Variants in TAF4 observed in about 807,000 individuals in gnomAD.
The protein encoded by TAF4 is transcription initiation factor TFIID subunit 4.
Under a neutral mutation model 90.3 loss-of-function variants are expected in TAF4, and 9 were observed. That is an observed-to-expected ratio of 0.10 (90% CI 0.06 to 0.17). TAF4 has a LOEUF of 0.17. Among genes scored for constraint, TAF4 ranks in the 10% least tolerant of loss-of-function variants. The pLI, the probability that TAF4 is intolerant of heterozygous loss-of-function variation, is 1.00. For synonymous variants in TAF4, 818 were observed against 638.9 expected, an observed-to-expected ratio of 1.28 and a Z score of -4.23; for missense variants, 1,351 against 1,370.7, an observed-to-expected ratio of 0.99 and a Z score of 0.23.
chr20:61,998,808 T>C (rs148499371), intron 12 of TAF4, among the ~76,000 whole-genome samples, 175 bp downstream of exon 12: 2,239 of 152,312 alleles, frequency 0.015, 57 homozygotes, highest in African/African-American at 0.051. Flanking sequence ...TCTACGCTAG[T>C]GCCAAATGAA....
At chr20:61,977,059 G>A (rs971619299) in intron 14 of TAF4, among the ~76,000 whole-genome samples, 2 of 130,130 alleles carry the variant, frequency 1.5e-5, no homozygotes, top group African/African-American at 5.1e-5. Flanking sequence ...ACACGACACC[G>A]CCCAGCGGGG....
At chr20:62,050,680 G>A (rs771918845) in intron 1 of TAF4, among the ~76,000 whole-genome samples, 6 of 152,182 alleles carry the variant, frequency 3.9e-5, no homozygotes, top group Non-Finnish European at 7.3e-5. Context: ...AGGCCCGCCC[G>A]GGAGGGCACA....
chr20:62,007,626 A>C lies in TAF4; in HGVS notation c.1895T>G (p.Ile632Arg). 6.2e-7 allele frequency: 1 copy of C among 1,601,524 alleles called. No homozygotes were observed. The highest frequency in any genetic ancestry group is 8.5e-7 in the Non-Finnish European group (1 of 1,174,274). The part of the protein sequence containing the change: ...ELVQNLLDGK[I>R]EAEDFTSRLY... ...CCTGCTTGTGAAATCTTCTGCTTCT[A>C]TTTTTCCATCCTTAAAAATAAAATC... Residue 632 changes from isoleucine (I) to arginine (R), a missense_variant, in exon 6 of 15, where the codon ATA becomes AGA. By Grantham distance (97) the Ile-to-Arg change is moderately conservative. Around this residue, in one of 9 missense-constraint regions of TAF4, gnomAD observed 44 missense variants for 97.4 expected, o/e 0.45. Transcript: ENST00000252996.
intron 1 of TAF4, among the ~76,000 whole-genome samples, chr20:62,020,725 CA>C (rs2055837751): frequency 6.6e-6 from 1 of 152,198 alleles, no homozygotes; most frequent in South Asian, 2.1e-4. Flanking sequence ...TTCAAAATCA[CA>C]AAGATTATCC....
chr20:62,017,549 AG>A (rs1166165060), intron 1 of TAF4, among the ~76,000 whole-genome samples: 2 of 152,210 alleles, frequency 1.3e-5, no homozygotes, highest in Non-Finnish European at 2.9e-5. Context: ...TGGGAGGCTG[AG>A]GCAGGAGAAT....
intron 1 of TAF4, among the ~76,000 whole-genome samples, chr20:62,042,056 G>T (rs2055966658): frequency 6.6e-6 from 1 of 152,164 alleles, no homozygotes; most frequent in South Asian, 2.1e-4. Context: ...GACACCTGCA[G>T]CCCTAAATGG....
intron 3 of TAF4, 90 bp downstream of exon 3, chr20:62,012,725 A>G: frequency 7.4e-7 from 1 of 1,355,514 alleles, no homozygotes; most frequent in Non-Finnish European, 9.5e-7. Context: ...TTAAAAAAAA[A>G]AAAAAACTCC....
rs2055771768 is a variant in TAF4 at position 62,010,371 on chromosome 20, T to C, written c.1642-206A>G. ...CCCTGTGCCCTGACGATCGCAGTCC[T>C]GAGCGGGTGAGGAAGGCATGATTTG... On this transcript the variant is annotated intron_variant, in intron 3 of 14. Coordinates refer to ENST00000252996, the MANE Select transcript of TAF4 (RefSeq NM_003185.4). This position sits in a 1 kb window ranked among gnomAD's most constrained non-coding sequence, Gnocchi z 4.5. Among the ~76,000 whole-genome samples the C allele has an allele frequency of 6.6e-6, 1 of 152,154 alleles. No homozygotes were observed. The highest frequency in any genetic ancestry group is 2.1e-4 in the South Asian group (1 of 4,826).
At chr20:62,043,291 C>T (rs892636215) in intron 1 of TAF4, among the ~76,000 whole-genome samples, 1 of 152,172 alleles carries the variant, frequency 6.6e-6, no homozygotes, top group African/African-American at 2.4e-5. Flanking sequence ...TGCACTCCAG[C>T]CTGGGTGACA....
At chr20:61,992,076 C>T (rs1163497808) in intron 14 of TAF4, among the ~76,000 whole-genome samples, 1 of 152,164 alleles carries the variant, frequency 6.6e-6, no homozygotes, top group Non-Finnish European at 1.5e-5. Flanking sequence ...AGTGGCTGCT[C>T]CCATGAAGCG....
rs1380706676 is a variant in TAF4 at position 61,976,429 on chromosome 20, G to A, written c.3091-94C>T. 6.2e-6 allele frequency: 9 copies of A among 1,460,686 alleles called. No homozygotes were observed. The East Asian group carries it at 1.1e-4, about 19-fold the overall frequency. 90.5% of individuals were successfully genotyped at this position (1,460,686 alleles called of 1,614,324 possible). A position where few individuals can be genotyped will look rare whatever the true frequency, so the allele number is the denominator to read the frequency against. On this transcript the variant is annotated intron_variant, in intron 14 of 14. Transcript: ENST00000252996. ...ATCTGAGCCAAGTACCCCGATTCCAGAGGAGGCCAGGCCTGGCACGGGCTC... is the reference window on the plus strand; with the variant it reads ...ATCTGAGCCAAGTACCCCGATTCCAAAGGAGGCCAGGCCTGGCACGGGCTC...
chr20:62,036,358 C>T (rs1042282936), intron 1 of TAF4, among the ~76,000 whole-genome samples: 2 of 152,232 alleles, frequency 1.3e-5, no homozygotes, highest in African/African-American at 4.8e-5. Context: ...ATTAAGACAA[C>T]ACTATCAGAG....
intron 2 of TAF4, among the ~76,000 whole-genome samples, 186 bp downstream of exon 2, chr20:62,014,358 AGAG>A (rs760500903): frequency 1.8e-4 from 28 of 152,184 alleles, no homozygotes; most frequent in South Asian, 4.2e-4. Context: ...CCTGCCACCG[AGAG>A]GAGGACAGGA....
intron 1 of TAF4, among the ~76,000 whole-genome samples, chr20:62,019,816 T>C (rs985964477): frequency 6.6e-6 from 1 of 152,242 alleles, no homozygotes; most frequent in African/African-American, 2.4e-5. Flanking sequence ...ACACTTTTAC[T>C]GTACTTGAAG....
At chr20:62,001,606 C>T (rs535579331) in intron 9 of TAF4, among the ~76,000 whole-genome samples, 5 of 152,288 alleles carry the variant, frequency 3.3e-5, no homozygotes, top group South Asian at 4.1e-4. Context: ...AAGAGCTCTA[C>T]AGCAGTTCTC....
At chr20:62,045,605 G>A (rs1023503009) in intron 1 of TAF4, among the ~76,000 whole-genome samples, 1 of 152,192 alleles carries the variant, frequency 6.6e-6, no homozygotes, top group Non-Finnish European at 1.5e-5. Flanking sequence ...AATTTTCTAG[G>A]ATGAGTACGT....
Position 62,051,333 on chromosome 20 carries a change from G to A in TAF4, c.1360+13118C>T, listed in dbSNP as rs112934018. Among the ~76,000 whole-genome samples, 1,081 of 152,214 alleles carry A rather than the reference G, an allele frequency of 7.1e-3. 15 individuals are homozygous for A. The highest frequency in any genetic ancestry group is 0.025 in the African/African-American group (1,031 of 41,548). ...TGACGTGGGACACCGGGGGTTCTGG[G>A]CCCACTGTGCCTGAAGCAATCACAG... is the stretch of plus-strand genomic sequence containing the variant. On this transcript the variant is annotated intron_variant, in intron 1 of 14. Coordinates refer to ENST00000252996, the MANE Select transcript of TAF4 (RefSeq NM_003185.4).
rs372933073 is a variant in TAF4, at chr20:62,003,781, C to T, written c.2321G>A (p.Arg774Gln). 6.2e-6 allele frequency: 10 copies of T among 1,608,678 alleles called. No homozygotes were observed. Among genetic ancestry groups the T allele is most frequent in the South Asian group, 2.2e-5 (2 of 90,862 alleles). The change falls in exon 8 of 15, where the codon CGG becomes CAG. Residue 774 changes from arginine (R) to glutamine (Q), a missense_variant. Physicochemically the swap from Arg to Gln is conservative, Grantham distance 43 (BLOSUM62 1). Transcript: ENST00000252996. ...PMVALRQPHN[R>Q]IMLTTPQQIQ... ...CTGCTGAGGCGTGGTGAGCATGATC[C>T]GGTTGTGAGGCTGCCGCAGGGCGAC...
intron 9 of TAF4, 31 bp from the exon 10 acceptor site, chr20:62,000,752 T>C: frequency 3.7e-6 from 6 of 1,611,252 alleles, no homozygotes; most frequent in Non-Finnish European, 5.1e-6. Context: ...TCACTTTAAC[T>C]GTACAAGGAA....
Sources: gnomAD v4.1 joint callset for allele counts (sites outside exome capture counted in the v4.1 genomes callset) on GRCh38, gnomAD v4.1.1 for gene constraint, gnomAD v4.1.1 regional missense constraint, Gnocchi (gnomAD v3.1) non-coding constraint, MANE v1.5 for transcripts, NCBI Gene and HGNC (gene_info 2026-07-23, HGNC 2026-07-21) for gene names.